Variants in GUSB observed in about 807,000 individuals in gnomAD.
GUSB encodes glucuronidase beta, also known as beta-glucuronidase.
GUSB carries 51 observed loss-of-function variants against 74.6 expected under a neutral mutation model. The observed-to-expected ratio is 0.68, with a 90% CI of 0.55 to 0.86. GUSB has a LOEUF of 0.86. Ranked by LOEUF, GUSB falls within the 40% of genes least tolerant of loss-of-function variation. The pLI, the probability that GUSB is intolerant of heterozygous loss-of-function variation, is 0.00. For missense variants in GUSB, 736 were observed against 853.7 expected, an observed-to-expected ratio of 0.86 and a Z score of 1.72; for synonymous variants, 360 against 348.3, an observed-to-expected ratio of 1.03 and a Z score of -0.37.
At position 65,960,793 on chromosome 7, in the gene GUSB, A is replaced by T. The variant is rs1478808323; in HGVS notation, c.*104T>A. 1 of 933,494 alleles carries T rather than the reference A, an allele frequency of 1.1e-6. No individual in the cohort carries two copies. Among genetic ancestry groups the T allele is most frequent in the East Asian group, 2.4e-5 (1 of 41,728 alleles). 57.8% of individuals were successfully genotyped at this position (933,494 alleles called of 1,614,324 possible). A position where few individuals can be genotyped will look rare whatever the true frequency, so the allele number is the denominator to read the frequency against. ...AGATGACCACAAAACCCAGGCCAGA[A>T]ACGTTCTGGTCTGCCGTGAACAGTC... On this transcript the variant is annotated 3_prime_UTR_variant, in exon 12 of 12. Coordinates refer to ENST00000304895, the MANE Select transcript of GUSB (RefSeq NM_000181.4).
In GUSB at chr7:65,976,077, C is replaced by T. The variant is rs756721679; in HGVS notation, c.850G>A (p.Gly284Ser). 3.7e-6 allele frequency: 6 copies of T among 1,613,972 alleles called. No homozygotes were observed. Among genetic ancestry groups the T allele is most frequent in the Non-Finnish European group, 5.1e-6 (6 of 1,180,030 alleles). The change falls in exon 5 of 12, where the codon GGT becomes AGT. Residue 284 changes from glycine to serine, a missense_variant. Transcript: ENST00000304895. ...TGTQGQLKVP[G>S]VSLWWPYLMH... Reference sequence around the variant, plus strand: ...AGGTACGGCCACCAGAGGCTGACACCTGGCACCTTAAGTTGGCCCTGGGTC... The same window carrying T: ...AGGTACGGCCACCAGAGGCTGACACTTGGCACCTTAAGTTGGCCCTGGGTC...
At chr7:65,974,881 G>A (rs763305089) in intron 6 of GUSB, 38 bp downstream of exon 6, 85 of 1,608,090 alleles carry the variant, frequency 5.3e-5, no homozygotes, top group Non-Finnish European at 6.0e-5. Flanking sequence ...AGGGTGACCA[G>A]AAGCAGCCCC....
At chr7:65,976,272 G>A (rs1791572010) in intron 4 of GUSB, 70 bp from the exon 5 acceptor site, 3 of 1,020,200 alleles carry the variant, frequency 2.9e-6, no homozygotes, top group Admixed American at 3.4e-5. Context: ...GGAGCGCCCT[G>A]CAGCCACCGC....
At chr7:65,967,296 G>C (rs1197880434) in intron 10 of GUSB, among the ~76,000 whole-genome samples, 2 of 151,900 alleles carry the variant, frequency 1.3e-5, no homozygotes, top group Admixed American at 1.3e-4. Flanking sequence ...CTCTACAAAA[G>C]TAAAAAAATT....
chr7:65,974,542 C>T lies in GUSB; in HGVS notation c.1228G>A (p.Val410Met), dbSNP rs755842317. 10 of 1,614,048 alleles carry T rather than the reference C, an allele frequency of 6.2e-6. No individual in the cohort carries two copies. The highest frequency in any genetic ancestry group is 1.3e-5 in the African/African-American group (1 of 74,948). Residue 410 changes from valine to methionine, a missense_variant, in exon 7 of 12, where the codon GTG becomes ATG. By Grantham distance (21) the Val-to-Met change is conservative. Transcript: ENST00000304895. ...GAGACTCACGGCAGCGCCAGGCCCACGCCGGGACACTCATCGATGACCACA... is the reference window on the plus strand; with the variant it reads ...GAGACTCACGGCAGCGCCAGGCCCATGCCGGGACACTCATCGATGACCACA... ...GIVVIDECPG[V>M]GLALPQFFNN...
Position 65,982,152 on chromosome 7 carries a change from G to A in GUSB, c.32C>T (p.Ala11Val), listed in dbSNP as rs1183614650. The A allele has an allele frequency of 2.6e-6, 4 of 1,527,690 alleles. No homozygotes were observed. The highest frequency in any genetic ancestry group is 3.9e-5 in the Admixed American group (2 of 51,224). The allele number at this position is 1,527,690 out of a possible 1,614,324, so 94.6% of individuals were successfully genotyped here. A position where few individuals can be genotyped will look rare whatever the true frequency, so the allele number is the denominator to read the frequency against. Residue 11 changes from alanine to valine, a missense_variant, in exon 1 of 12, where the codon GCG becomes GTG. Ala to Val is a moderately conservative substitution (Grantham distance 64, BLOSUM62 0). This residue lies in a region of GUSB where 368 missense variants were observed against 363.8 expected (regional missense o/e 1.01). Coordinates refer to ENST00000304895, the MANE Select transcript of GUSB (RefSeq NM_000181.4). ...GCAGCCCCACAACAACGGCCCGAGC[G>A]CCGCCCAGGCAACCGCCGACCCCCG... Reference protein sequence around the residue: MARGSAVAWAALGPLLWGCAL... With the variant: MARGSAVAWAVLGPLLWGCAL...
Position 65,974,303 on chromosome 7 carries a change from G to A in GUSB, c.1383C>T (p.Tyr461=), listed in dbSNP as rs776791543. 1.2e-6 allele frequency: 2 copies of A among 1,614,062 alleles called. No homozygotes were observed. Among genetic ancestry groups the A allele is most frequent in the South Asian group, 2.2e-5 (2 of 91,068 alleles). ...EPASHLESAG[Y]YLKMVIAHTK... is the part of the protein sequence containing the mutation. ...AGGGAGGGAGCACTCACTTCAAGTA[G>A]TAGCCAGCAGATTCTAGGTGGGACG... The change falls in exon 8 of 12, where the codon TAC becomes TAT. Residue 461 remains tyrosine (Y), a synonymous_variant. Coordinates refer to ENST00000304895, the MANE Select transcript of GUSB (RefSeq NM_000181.4).
intron 6 of GUSB, 60 bp downstream of exon 6, chr7:65,974,859 A>G (rs1791458510): frequency 6.3e-7 from 1 of 1,586,652 alleles, no homozygotes; most frequent in East Asian, 2.2e-5. Flanking sequence ...GACACAGGGA[A>G]GGCGAAAGTG....
intron 8 of GUSB, 28 bp downstream of exon 8, chr7:65,974,267 T>C (rs199806689): frequency 1.4e-5 from 23 of 1,612,654 alleles, no homozygotes; most frequent in Non-Finnish European, 1.9e-5. Flanking sequence ...CTTCCCACTC[T>C]AGCCGAGGGC....
chr7:65,981,990 C>T lies in GUSB; in HGVS notation c.194G>A (p.Arg65Gln), dbSNP rs1043622470. The change falls in exon 1 of 12, where the codon CGG becomes CAG. Residue 65 changes from arginine (R) to glutamine (Q), a missense_variant. By Grantham distance (43) the Arg-to-Gln change is conservative (BLOSUM62 1). Coordinates refer to ENST00000304895, the MANE Select transcript of GUSB (RefSeq NM_000181.4). ...RRRGFEEQWYRRPLWESGPTV... is the reference protein window; with the variant it reads ...RRRGFEEQWYQRPLWESGPTV... ...AGATCGCACCTCCCACAGCGGCCGC[C>T]GGTACCACTGCTCCTCGAAGCCCCG... 2.5e-6 allele frequency: 4 copies of T among 1,608,282 alleles called. No individual in the cohort carries two copies. The African/African-American group carries it at 5.3e-5, about 22-fold the overall frequency.
rs77293332 is a variant in GUSB, at chr7:65,960,725, T to C, written c.*172A>G. 18,296 of 648,770 alleles carry C rather than the reference T, an allele frequency of 0.028. 361 individuals carry two copies. The highest frequency in any genetic ancestry group is 0.047 in the Middle Eastern group (112 of 2,372). 40.2% of individuals were successfully genotyped at this position (648,770 alleles called of 1,614,324 possible). ...TCATGCCAACTCTTTATTTCCATAA[T>C]AGAAAATCTTTTATTTCCACCTTTA... On this transcript the variant is annotated 3_prime_UTR_variant, in exon 12 of 12. Coordinates refer to ENST00000304895, the MANE Select transcript of GUSB (RefSeq NM_000181.4).
chr7:65,979,375 G>GAT (rs1372974354), intron 4 of GUSB, 24 bp downstream of exon 4: 1 of 1,611,524 alleles, frequency 6.2e-7, no homozygotes. Flanking sequence ...GCCCCGCTGA[G>GAT]AGGATCCTAC....
Position 65,960,965 on chromosome 7 carries a change from C to T in GUSB, c.1888G>A (p.Ala630Thr), listed in dbSNP as rs1790448531. The T allele has an allele frequency of 6.2e-7, 1 of 1,613,668 alleles. No individual in the cohort carries two copies. Among genetic ancestry groups the T allele is most frequent in the South Asian group, 1.1e-5 (1 of 91,058 alleles). The change falls in exon 12 of 12, where the codon GCC becomes ACC. Residue 630 changes from alanine (A) to threonine (T), a missense_variant. This residue lies in a region of GUSB where 368 missense variants were observed against 489.9 expected (regional missense o/e 0.75). Coordinates refer to ENST00000304895, the MANE Select transcript of GUSB (RefSeq NM_000181.4). ...FLLRERYWKI[A>T]NETRYPHSVA... The stretch of plus-strand genomic sequence containing the variant: ...GAGTGGGGATACCTGGTTTCATTGG[C>T]AATCTTCCAGTATCTCTCTCGCAAA...
intron 4 of GUSB, among the ~76,000 whole-genome samples, chr7:65,977,577 A>G (rs1791666215): frequency 1.3e-5 from 2 of 150,868 alleles, no homozygotes. Flanking sequence ...TTTTTCTTAG[A>G]TAGGGTCTCA....
intron 11 of GUSB, among the ~76,000 whole-genome samples, chr7:65,962,940 C>G (rs1243260271): frequency 6.6e-6 from 1 of 152,042 alleles, no homozygotes; most frequent in Non-Finnish European, 1.5e-5. Flanking sequence ...CTCATTGCAA[C>G]CTCCATCTCC....
intron 5 of GUSB, 199 bp from the exon 6 acceptor site, chr7:65,975,270 G>A (rs1303650479): frequency 3.3e-6 from 2 of 607,582 alleles, no homozygotes; most frequent in Non-Finnish European, 5.9e-6. Flanking sequence ...CCTTTGACAA[G>A]ACAAGGTGGC....
At chr7:65,972,090 A>C (rs1037314556) in intron 8 of GUSB, among the ~76,000 whole-genome samples, 1 of 152,040 alleles carries the variant, frequency 6.6e-6, no homozygotes, top group Non-Finnish European at 1.5e-5. Flanking sequence ...GGGAAGAAAA[A>C]CCCAACAGAG....
In GUSB at chr7:65,970,333, G is replaced by A. The variant is rs1791109537; in HGVS notation, c.1425C>T (p.Pro475=). The A allele has an allele frequency of 3.7e-6, 6 of 1,613,350 alleles. No homozygotes were observed. In the African/African-American group the frequency reaches 6.7e-5, roughly 18 times the overall value. The change falls in exon 9 of 12, where the codon CCC becomes CCT. Residue 475 remains proline, a synonymous_variant. Transcript: ENST00000304895. ...TGCTCACAAAGGTCACAGGCCGGGA[G>A]GGGTCCAAGGATTTGGTGTGAGCGA... ...MVIAHTKSLD[P]SRPVTFVSNS...
In GUSB at chr7:65,974,304, T is replaced by A; in HGVS notation, c.1382A>T (p.Tyr461Phe). Residue 461 changes from tyrosine to phenylalanine, a missense_variant, in exon 8 of 12, where the codon TAC becomes TTC. Physicochemically the swap from Tyr to Phe is conservative, Grantham distance 22. This residue lies in a region of GUSB where 368 missense variants were observed against 489.9 expected (regional missense o/e 0.75). Transcript: ENST00000304895. Reference sequence around the variant, plus strand: ...GGGAGGGAGCACTCACTTCAAGTAGTAGCCAGCAGATTCTAGGTGGGACGC... The same window carrying A: ...GGGAGGGAGCACTCACTTCAAGTAGAAGCCAGCAGATTCTAGGTGGGACGC... ...EPASHLESAG[Y>F]YLKMVIAHTK... is the part of the protein sequence containing the mutation. 1 of 1,613,972 alleles carries A rather than the reference T, an allele frequency of 6.2e-7. No individual in the cohort carries two copies. Among genetic ancestry groups the A allele is most frequent in the South Asian group, 1.1e-5 (1 of 91,064 alleles).
Sources: allele counts gnomAD v4.1 joint callset (sites outside exome capture counted in the v4.1 genomes callset), GRCh38; gene constraint gnomAD v4.1.1; regional missense constraint gnomAD v4.1.1; transcripts MANE v1.5; gene names NCBI Gene and HGNC (gene_info 2026-07-23, HGNC 2026-07-21).